The following LRP6 variants were observed in gnomAD, a reference collection of about 807,000 sequenced individuals.
LRP6 encodes the protein low-density lipoprotein receptor-related protein 6.
In LRP6, 43 loss-of-function variants were observed where a neutral mutation model predicts 184.1. That is an observed-to-expected ratio of 0.23 (90% CI 0.18 to 0.30). The LOEUF (loss-of-function observed/expected upper bound fraction) is 0.30. Among genes scored for constraint, LRP6 ranks in the 10% least tolerant of loss-of-function variants. The pLI is 1.00. For missense variants in LRP6, 1,571 were observed against 2,005.3 expected (o/e 0.78, Z 4.14); for synonymous variants, 719 against 684.9 (o/e 1.05, Z -0.78).
chr12:12,155,541 A>G, intron 12 of LRP6: 2 of 741,068 alleles, frequency 2.7e-6, no homozygotes, highest in South Asian at 2.8e-5. Flanking sequence ...ATGCATATTC[A>G]GCACGTTAAG....
At chr12:12,250,046 CACTATCCT>C (rs1341097555) in intron 1 of LRP6, among the ~76,000 whole-genome samples, 1 of 152,142 alleles carries the variant, frequency 6.6e-6, no homozygotes, top group Non-Finnish European at 1.5e-5. Context: ...TTTTTAAAAC[CACTATCCT>C]ACTCTAGACC....
intron 19 of LRP6, among the ~76,000 whole-genome samples, chr12:12,128,971 C>G (rs960366147): frequency 1.3e-5 from 2 of 152,204 alleles, no homozygotes; most frequent in Non-Finnish European, 2.9e-5. Flanking sequence ...TGCCTAAACT[C>G]TAATCGCTTC....
At chr12:12,154,887 C>T (rs115254912) in intron 12 of LRP6, among the ~76,000 whole-genome samples, 1,556 of 152,216 alleles carry the variant, frequency 0.01, 26 homozygotes, top group African/African-American at 0.034. Context: ...ATTTTATAGG[C>T]GAGTGCGCTG....
At chr12:12,145,332 A>G (rs1183453750) in intron 15 of LRP6, among the ~76,000 whole-genome samples, 1 of 152,176 alleles carries the variant, frequency 6.6e-6, no homozygotes, top group Non-Finnish European at 1.5e-5. Flanking sequence ...GACATTAAAA[A>G]AAATGTGAAA....
intron 17 of LRP6, among the ~76,000 whole-genome samples, chr12:12,134,522 A>T (rs1949804966): frequency 6.6e-6 from 1 of 152,208 alleles, no homozygotes; most frequent in South Asian, 2.1e-4. Context: ...CTAAGTGATT[A>T]AACCAATTTT....
At chr12:12,183,917 A>G in intron 5 of LRP6, 63 bp downstream of exon 5, 1 of 1,507,100 alleles carries the variant, frequency 6.6e-7, no homozygotes. Flanking sequence ...GATTATAGAG[A>G]AAACAAATCA....
chr12:12,184,158 C>T lies in LRP6; in HGVS notation c.845-47G>A, dbSNP rs770159868. ...GATTAATATCAATGATTACTAAGTA[C>T]ACAAAGGTTAACAACCATAACATGA... On this transcript the variant is annotated intron_variant, in intron 4 of 22. Coordinates refer to ENST00000261349, the MANE Select transcript of LRP6 (RefSeq NM_002336.3). 4.5e-6 allele frequency: 7 copies of T among 1,558,880 alleles called. No homozygotes were observed. In the Admixed American group the frequency reaches 5.0e-5, roughly 11 times the overall value.
At chr12:12,239,619 T>C (rs1243758601) in intron 2 of LRP6, among the ~76,000 whole-genome samples, 1 of 151,542 alleles carries the variant, frequency 6.6e-6, no homozygotes, top group Middle Eastern at 3.2e-3. Context: ...GTAGACAAAA[T>C]CCCCAAGTGC....
chr12:12,206,448 C>A (rs1397931795), intron 2 of LRP6, among the ~76,000 whole-genome samples: 1 of 150,306 alleles, frequency 6.7e-6, no homozygotes, highest in African/African-American at 2.5e-5. Context: ...GAGGCTGAGG[C>A]AGGAGAATGG....
At chr12:12,142,631 C>T (rs1160984616) in intron 15 of LRP6, among the ~76,000 whole-genome samples, 2 of 151,880 alleles carry the variant, frequency 1.3e-5, no homozygotes, top group Non-Finnish European at 1.5e-5. Flanking sequence ...CCAACAAAGC[C>T]TTGATGGCAA....
At chr12:12,207,526 T>C (rs901566441) in intron 2 of LRP6, among the ~76,000 whole-genome samples, 5 of 151,848 alleles carry the variant, frequency 3.3e-5, no homozygotes, top group South Asian at 2.1e-4. Flanking sequence ...AAAAAAATAA[T>C]AATAATAATA....
In LRP6 at chr12:12,267,019, T is replaced by TG. The variant is rs1865792733; in HGVS notation, c.-285dup. On this transcript the variant is annotated 5_prime_UTR_variant, in exon 1 of 23. Coordinates refer to ENST00000261349, the MANE Select transcript of LRP6 (RefSeq NM_002336.3). Reference sequence around the variant, plus strand: ...CCCGCGCAGCTCCTCATTCAGCCTCTGCCTCGCGCAGCGGCGCAGGGATAC... The same window carrying TG: ...CCCGCGCAGCTCCTCATTCAGCCTCTGGCCTCGCGCAGCGGCGCAGGGATAC... 6.4e-6 allele frequency: 3 copies of TG among 466,318 alleles called. No homozygotes were observed. In the East Asian group the frequency reaches 1.2e-4, roughly 19 times the overall value. The allele number at this position is 466,318 out of a possible 1,614,324, so 28.9% of individuals were successfully genotyped here. A position where few individuals can be genotyped will look rare whatever the true frequency, so the allele number is the denominator to read the frequency against.
chr12:12,150,271 T>G (rs963570169), intron 13 of LRP6, among the ~76,000 whole-genome samples: 31 of 152,186 alleles, frequency 2.0e-4, no homozygotes, highest in Middle Eastern at 3.2e-3. Flanking sequence ...ACAGTCACCA[T>G]ATAATTATGA....
intron 2 of LRP6, among the ~76,000 whole-genome samples, chr12:12,240,408 T>A (rs1865033851): frequency 6.6e-6 from 1 of 151,892 alleles, no homozygotes; most frequent in African/African-American, 2.4e-5. Flanking sequence ...CCGTCTCTAC[T>A]AAAAATACAA....
chr12:12,159,229 C>CAA, intron 11 of LRP6, 74 bp from the exon 12 acceptor site: 1 of 1,067,260 alleles, frequency 9.4e-7, no homozygotes, highest in Non-Finnish European at 1.4e-6. Context: ...GTCTTGCTGG[C>CAA]AAAAAGAAAA....
At chr12:12,228,472 A>G (rs961013986) in intron 2 of LRP6, among the ~76,000 whole-genome samples, 3 of 152,222 alleles carry the variant, frequency 2.0e-5, no homozygotes, top group African/African-American at 7.2e-5. Flanking sequence ...ATGAGTCTTT[A>G]GTCTCAGGAT....
intron 1 of LRP6, among the ~76,000 whole-genome samples, chr12:12,256,443 C>G (rs1447076337): frequency 6.6e-6 from 1 of 151,994 alleles, no homozygotes; most frequent in East Asian, 1.9e-4. Flanking sequence ...CTGGGAAGGT[C>G]CAGGCTGCAG....
rs535053198 is a variant in LRP6, at chr12:12,118,027, A to G, written c.*3099T>C. ...TAGAATAGGTGTTCTCAAACTTACT[A>G]AAGAATCAGAGATCTCTTGGTAATG... On this transcript the variant is annotated 3_prime_UTR_variant, in exon 23 of 23. Transcript: ENST00000261349. 4 of 152,320 alleles carry G rather than the reference A, an allele frequency of 2.6e-5. No individual in the cohort carries two copies. The East Asian group carries it at 5.8e-4, about 22-fold the overall frequency. The allele number at this position is 152,320 out of a possible 1,614,324, so 9.4% of individuals were successfully genotyped here. A position where few individuals can be genotyped will look rare whatever the true frequency, so the allele number is the denominator to read the frequency against.
intron 1 of LRP6, among the ~76,000 whole-genome samples, chr12:12,253,539 A>C (rs1392221603): frequency 2.0e-5 from 3 of 151,128 alleles, no homozygotes; most frequent in Non-Finnish European, 4.4e-5. Flanking sequence ...CTGGTCATTT[A>C]CATTAGGTGT....
Sources: gnomAD v4.1 joint callset for allele counts (sites outside exome capture counted in the v4.1 genomes callset) on GRCh38, gnomAD v4.1.1 for gene constraint, MANE v1.5 for transcripts, NCBI Gene and HGNC (gene_info 2026-07-23, HGNC 2026-07-21) for gene names.